The following ANKRD62 variants were observed in gnomAD, a reference collection of about 807,000 sequenced individuals.
The protein encoded by ANKRD62 is ankyrin repeat domain-containing protein 62.
ANKRD62 carries 61 observed loss-of-function variants against 98.8 expected under a neutral mutation model. The ratio of observed to expected loss-of-function variants is 0.62; its 90% CI spans 0.50 to 0.76. The LOEUF (loss-of-function observed/expected upper bound fraction) is 0.76. Ranked by LOEUF, ANKRD62 falls within the 30% of genes least tolerant of loss-of-function variation. The probability of loss-of-function intolerance (pLI) is 0.00; values close to 1 mark genes in which losing one functional copy is unlikely to be tolerated. For missense variants in ANKRD62, 933 were observed against 1,082.9 expected (o/e 0.86, Z 1.94); for synonymous variants, 341 against 367.9 (o/e 0.93, Z 0.84).
chr18:12,133,623 C>T (rs570802587), downstream of ANKRD62, among the ~76,000 whole-genome samples: 1 of 152,164 alleles, frequency 6.6e-6, no homozygotes, highest in African/African-American at 2.4e-5. Flanking sequence ...TTGCCTTTCC[C>T]TTTGATGTTG....
In ANKRD62 at chr18:12,093,990, A is replaced by C; in HGVS notation, c.-28A>C. The C allele has an allele frequency of 6.5e-7, 1 of 1,533,578 alleles. No homozygotes were observed. The highest frequency in any genetic ancestry group is 2.0e-4 in the Middle Eastern group (1 of 5,090). 95.0% of individuals were successfully genotyped at this position (1,533,578 alleles called of 1,614,324 possible). On this transcript the variant is annotated 5_prime_UTR_variant, in exon 1 of 14. Transcript: ENST00000587848. ...CTGAGGTGTCTTAAAGCCGTTCCTC[A>C]GCCTGGGAGAAGATCTCTGGCTTCA... is the stretch of plus-strand genomic sequence containing the variant.
the ANKRD62 span, among the ~76,000 whole-genome samples, chr18:12,159,719 G>T: frequency 6.6e-6 from 1 of 152,136 alleles, no homozygotes; most frequent in Non-Finnish European, 1.5e-5. Flanking sequence ...GCTAAGCATA[G>T]ATCATTATGC....
downstream of ANKRD62, among the ~76,000 whole-genome samples, chr18:12,131,674 GT>G (rs1368081333): frequency 6.6e-6 from 1 of 152,020 alleles, no homozygotes; most frequent in African/African-American, 2.4e-5. Flanking sequence ...AGCAATTACA[GT>G]TCATAAGCAG....
At chr18:12,101,847 G>A (rs1909306134) in intron 6 of ANKRD62, 1 of 573,608 alleles carries the variant, frequency 1.7e-6, no homozygotes, top group African/African-American at 1.9e-5. Flanking sequence ...TATTAAATTT[G>A]GAAAACAATC....
At chr18:12,099,221 A>G (rs1006175315) in intron 5 of ANKRD62, among the ~76,000 whole-genome samples, 12 of 152,334 alleles carry the variant, frequency 7.9e-5, no homozygotes, top group Admixed American at 3.3e-4. Context: ...TTGCTTTACT[A>G]TTTCTCTGAG....
chr18:12,108,787 T>TGGGAGAAATTAGCC, intron 8 of ANKRD62, among the ~76,000 whole-genome samples: 1 of 152,270 alleles, frequency 6.6e-6, no homozygotes, highest in South Asian at 2.1e-4. Context: ...CCATTCCAAA[T>TGGGAGAAATTAGCC]GGGAGAAATT....
chr18:12,095,135 A>C (rs1338053812), intron 1 of ANKRD62, 36 bp from the exon 2 acceptor site: 1 of 1,454,136 alleles, frequency 6.9e-7, no homozygotes, highest in East Asian at 2.5e-5. Context: ...GGGACTGTGC[A>C]CTACAATTGC....
chr18:12,122,964 AATTTAT>A lies in ANKRD62; in HGVS notation c.1454+450_1454+455del, dbSNP rs1909811794. Among the ~76,000 whole-genome samples the A allele has an allele frequency of 3.3e-5, 5 of 152,266 alleles. No homozygotes were observed. In the South Asian group the frequency reaches 1.0e-3, roughly 32 times the overall value. ...CTAAGTTGTTCTTAAGAAAGTTTAT[AATTTAT>A]AATTTGAGTATGAAATGTATACTTT... is the stretch of plus-strand genomic sequence containing the variant. On this transcript the variant is annotated intron_variant, in intron 11 of 13. Coordinates refer to ENST00000587848, the MANE Select transcript of ANKRD62 (RefSeq NM_001277333.2).
chr18:12,125,010 G>T (rs1909857425), intron 12 of ANKRD62, among the ~76,000 whole-genome samples: 1 of 152,118 alleles, frequency 6.6e-6, no homozygotes, highest in South Asian at 2.1e-4. Context: ...ATAGTCACAG[G>T]AAAAAGAAAC....
At chr18:12,117,267 C>G (rs1909684245) in intron 10 of ANKRD62, among the ~76,000 whole-genome samples, 1 of 152,118 alleles carries the variant, frequency 6.6e-6, no homozygotes, top group African/African-American at 2.4e-5. Context: ...TCTGTTGTAG[C>G]TGATAGACTC....
At chr18:12,105,556 A>C (rs1318795023) in intron 7 of ANKRD62, among the ~76,000 whole-genome samples, 1 of 152,166 alleles carries the variant, frequency 6.6e-6, no homozygotes, top group Admixed American at 6.5e-5. Flanking sequence ...CTTCTTAGAA[A>C]GAAAAAAGAA....
chr18:12,117,618 T>C (rs1909692547), intron 10 of ANKRD62, among the ~76,000 whole-genome samples: 1 of 152,224 alleles, frequency 6.6e-6, no homozygotes, highest in East Asian at 1.9e-4. Flanking sequence ...TTCTTTATCA[T>C]GCTGAGGAAG....
At chr18:12,136,786 A>G in the ANKRD62 span, among the ~76,000 whole-genome samples, 1 of 152,114 alleles carries the variant, frequency 6.6e-6, no homozygotes, top group African/African-American at 2.4e-5. Context: ...TTGTATTCCT[A>G]GGTATTTTAT....
chr18:12,160,586 T>C, the ANKRD62 span, among the ~76,000 whole-genome samples: 1 of 152,186 alleles, frequency 6.6e-6, no homozygotes, highest in African/African-American at 2.4e-5. Context: ...GTAACTCCTT[T>C]CAGCTGGGGC....
the ANKRD62 span, among the ~76,000 whole-genome samples, chr18:12,161,418 T>G: frequency 1.3e-5 from 2 of 152,126 alleles, no homozygotes; most frequent in African/African-American, 4.8e-5. Flanking sequence ...TGTGAGTACA[T>G]AGTAGGTATA....
Position 12,129,663 on chromosome 18 carries a change from G to A in ANKRD62, c.*1724G>A, listed in dbSNP as rs1268318074. ...CTCGGGAGGCTGAGGCAGGAGAATGGTATGAACCCGGGAGGCGGAGCTTGC... is the reference window on the plus strand; with the variant it reads ...CTCGGGAGGCTGAGGCAGGAGAATGATATGAACCCGGGAGGCGGAGCTTGC... On this transcript the variant is annotated 3_prime_UTR_variant, in exon 14 of 14. Transcript: ENST00000587848. The A allele has an allele frequency of 1.3e-5, 2 of 150,438 alleles. No homozygotes were observed. The highest frequency in any genetic ancestry group is 2.1e-4 in the South Asian group (1 of 4,774). The allele number at this position is 150,438 out of a possible 1,614,324, so 9.3% of individuals were successfully genotyped here.
intron 6 of ANKRD62, among the ~76,000 whole-genome samples, chr18:12,100,247 G>A (rs1384410247): frequency 1.3e-5 from 2 of 152,200 alleles, no homozygotes; most frequent in Middle Eastern, 3.4e-3. Flanking sequence ...ATTATATACT[G>A]TATTGTTACT....
At chr18:12,111,386 T>C (rs1159079344) in intron 8 of ANKRD62, among the ~76,000 whole-genome samples, 1 of 152,124 alleles carries the variant, frequency 6.6e-6, no homozygotes, top group African/African-American at 2.4e-5. Flanking sequence ...AGCTCTCAAC[T>C]AGTTATTGAA....
At position 12,125,875 on chromosome 18, in the gene ANKRD62, T is replaced by C. The variant is rs1450390582; in HGVS notation, c.2054T>C (p.Val685Ala). Reference sequence around the variant, plus strand: ...CTACAGCTTGCTTTCCAGAGCACAGTGAATGAATGGTGTCATTTACAAGAA... The same window carrying C: ...CTACAGCTTGCTTTCCAGAGCACAGCGAATGAATGGTGTCATTTACAAGAA... The part of the protein sequence containing the change: ...RDLQLAFQST[V>A]NEWCHLQEDT... Residue 685 changes from valine (V) to alanine (A), a missense_variant, in exon 13 of 14, where the codon GTG becomes GCG. This residue lies in a region of ANKRD62 where 362 missense variants were observed against 434.5 expected (regional missense o/e 0.83). Coordinates refer to ENST00000587848, the MANE Select transcript of ANKRD62 (RefSeq NM_001277333.2). The C allele has an allele frequency of 6.5e-7, 1 of 1,545,452 alleles. No individual in the cohort carries two copies.
Sources: allele counts gnomAD v4.1 joint callset (sites outside exome capture counted in the v4.1 genomes callset), GRCh38; gene constraint gnomAD v4.1.1; regional missense constraint gnomAD v4.1.1; transcripts MANE v1.5; gene names NCBI Gene and HGNC (gene_info 2026-07-23, HGNC 2026-07-21).